Variants in TBC1D4 observed in about 807,000 individuals in gnomAD.
The protein encoded by TBC1D4 is TBC (Tre-2, BUB2, CDC16) domain-containing protein.
TBC1D4 carries 121 observed loss-of-function variants against 142.5 expected under a neutral mutation model. The observed-to-expected ratio is 0.85, with a 90% confidence interval of 0.73 to 0.99. TBC1D4 has a LOEUF of 0.99. TBC1D4 is among the 50% of genes least tolerant of loss of function. TBC1D4 has a pLI of 0.00. For missense variants in TBC1D4, 1,475 were observed against 1,606.6 expected, an observed-to-expected ratio of 0.92 and a Z score of 1.40; for synonymous variants, 630 against 628.2, an observed-to-expected ratio of 1.00 and a Z score of -0.04.
chr13:75,296,363 C>T (rs1226651009), intron 17 of TBC1D4, among the ~76,000 whole-genome samples: 1 of 152,030 alleles, frequency 6.6e-6, no homozygotes, highest in Non-Finnish European at 1.5e-5. Flanking sequence ...GTCTAATTAG[C>T]AGCATAAAAA....
chr13:75,427,856 A>G (rs1886442323), intron 1 of TBC1D4, among the ~76,000 whole-genome samples: 2 of 152,274 alleles, frequency 1.3e-5, no homozygotes, highest in Admixed American at 1.3e-4. Flanking sequence ...GCTTATAAGA[A>G]CAAAGAGAAA....
At chr13:75,384,177 C>A (rs1884033587) in intron 1 of TBC1D4, among the ~76,000 whole-genome samples, 3 of 152,218 alleles carry the variant, frequency 2.0e-5, no homozygotes, top group African/African-American at 7.2e-5. Context: ...GCTGGGATTA[C>A]AGAATCCTAA....
At chr13:75,433,421 A>C (rs762170309) in intron 1 of TBC1D4, among the ~76,000 whole-genome samples, 1 of 152,322 alleles carries the variant, frequency 6.6e-6, no homozygotes, top group East Asian at 1.9e-4. Context: ...CCAAAGTATC[A>C]AGACAAGAGA....
intron 8 of TBC1D4, among the ~76,000 whole-genome samples, chr13:75,336,465 T>C (rs1452187103): frequency 1.3e-5 from 2 of 151,984 alleles, no homozygotes; most frequent in African/African-American, 2.4e-5. Flanking sequence ...GCCAGCACTT[T>C]GGGAGGCCAA....
intron 5 of TBC1D4, among the ~76,000 whole-genome samples, chr13:75,345,991 C>T (rs2138098886): frequency 6.6e-6 from 1 of 152,214 alleles, no homozygotes; most frequent in East Asian, 1.9e-4. Flanking sequence ...TTTCTTTACT[C>T]CTATGTTTTT....
intron 11 of TBC1D4, among the ~76,000 whole-genome samples, chr13:75,320,361 T>C (rs899810034): frequency 1.3e-5 from 2 of 152,128 alleles, no homozygotes; most frequent in African/African-American, 4.8e-5. Flanking sequence ...TAAATAAATT[T>C]TTAAGCACAG....
intron 4 of TBC1D4, among the ~76,000 whole-genome samples, chr13:75,349,997 T>C (rs1056246544): frequency 3.3e-5 from 5 of 152,218 alleles, no homozygotes; most frequent in African/African-American, 1.2e-4. Flanking sequence ...CATGACCCAG[T>C]CAAAAAGTTT....
chr13:75,361,915 A>T, intron 2 of TBC1D4, 111 bp downstream of exon 2: 1 of 1,319,892 alleles, frequency 7.6e-7, no homozygotes, highest in Non-Finnish European at 1.1e-6. Flanking sequence ...GAAAACAAAT[A>T]AAAGTTAGAT....
At position 75,299,554 on chromosome 13, in the gene TBC1D4, G is replaced by C. The variant is rs756634332; in HGVS notation, c.2932C>G (p.Pro978Ala). Residue 978 changes from proline to alanine, a missense_variant, in exon 17 of 21, where the codon CCT (proline) becomes GCT (alanine). Physicochemically the swap from Pro to Ala is conservative, Grantham distance 27 (BLOSUM62 -1). Transcript: ENST00000377636. ...GGCCCAAGCTGTACTGAAAAGTAAG[G>C]GTGAGTAGGAAACGTCCTTCCTGCA... ...VDLGRTFPTHPYFSVQLGPGQ... is the reference protein window; with the variant it reads ...VDLGRTFPTHAYFSVQLGPGQ... 33 of 1,614,082 alleles carry C rather than the reference G, an allele frequency of 2.0e-5. No individual in the cohort carries two copies. In the South Asian group the frequency reaches 3.2e-4, roughly 16 times the overall value.
At chr13:75,440,779 C>T (rs1479482830) in intron 1 of TBC1D4, among the ~76,000 whole-genome samples, 5 of 146,126 alleles carry the variant, frequency 3.4e-5, no homozygotes, top group African/African-American at 1.3e-4. Context: ...ATTATGTTGT[C>T]CAGGCTGGTT....
intron 8 of TBC1D4, among the ~76,000 whole-genome samples, chr13:75,330,276 T>C (rs754189689): frequency 1.3e-5 from 2 of 152,246 alleles, no homozygotes; most frequent in African/African-American, 2.4e-5. Flanking sequence ...CAGTTCTTTC[T>C]TCTTTTCAGA....
Position 75,380,871 on chromosome 13 carries a change from C to T in TBC1D4, c.499-18264G>A, listed in dbSNP as rs558480247. 4.4e-4 allele frequency among the ~76,000 whole-genome samples: 67 copies of T among 152,112 alleles called. 1 individual carries two copies. Among genetic ancestry groups the T allele is most frequent in the Non-Finnish European group, 7.5e-4 (51 of 68,012 alleles). On this transcript the variant is annotated intron_variant, in intron 1 of 20. Coordinates refer to ENST00000377636, the MANE Select transcript of TBC1D4 (RefSeq NM_014832.5). The stretch of plus-strand genomic sequence containing the variant: ...AAAAAGATCCTTACCTTTCCCCCTA[C>T]CTTTTTTTAACTCCAAAATGCCCTC...
chr13:75,411,371 C>T (rs1885651427), intron 1 of TBC1D4, among the ~76,000 whole-genome samples: 1 of 152,148 alleles, frequency 6.6e-6, no homozygotes, highest in East Asian at 1.9e-4. Flanking sequence ...GGATTCCTCT[C>T]AAACCCACAA....
At chr13:75,425,203 A>G (rs1186046957) in intron 1 of TBC1D4, among the ~76,000 whole-genome samples, 1 of 152,232 alleles carries the variant, frequency 6.6e-6, no homozygotes, top group Non-Finnish European at 1.5e-5. Flanking sequence ...TTCTCAAGAG[A>G]AGACATACAA....
At chr13:75,322,963 C>T (rs1878903874) in intron 11 of TBC1D4, among the ~76,000 whole-genome samples, 1 of 152,026 alleles carries the variant, frequency 6.6e-6, no homozygotes, top group Admixed American at 6.6e-5. Flanking sequence ...TGACTTTGTA[C>T]TAATTCAGAG....
chr13:75,465,618 C>A (rs967181336), intron 1 of TBC1D4, among the ~76,000 whole-genome samples: 1 of 152,060 alleles, frequency 6.6e-6, no homozygotes, highest in African/African-American at 2.4e-5. Context: ...GTGAATGGAC[C>A]CTCCTCTCAG....
At chr13:75,455,203 G>C (rs1033583408) in intron 1 of TBC1D4, among the ~76,000 whole-genome samples, 3 of 152,050 alleles carry the variant, frequency 2.0e-5, no homozygotes, top group Non-Finnish European at 2.9e-5. Context: ...ACACTCCACT[G>C]CCTCTGTAAA....
intron 1 of TBC1D4, among the ~76,000 whole-genome samples, chr13:75,405,048 C>T (rs999170582): frequency 1.3e-5 from 2 of 152,112 alleles, no homozygotes; most frequent in Admixed American, 6.5e-5. Context: ...CCCCTGACAT[C>T]TTTCTTATGT....
intron 12 of TBC1D4, among the ~76,000 whole-genome samples, chr13:75,317,064 G>A (rs999314303): frequency 6.6e-6 from 1 of 152,118 alleles, no homozygotes; most frequent in African/African-American, 2.4e-5. Context: ...CATTTTTGGT[G>A]CAATACTGAA....
Sources: allele counts gnomAD v4.1 joint callset (sites outside exome capture counted in the v4.1 genomes callset), GRCh38; gene constraint gnomAD v4.1.1; transcripts MANE v1.5; gene names NCBI Gene and HGNC (gene_info 2026-07-23, HGNC 2026-07-21).